The following GPHN variants were observed in gnomAD, a reference collection of about 807,000 sequenced individuals.
GPHN encodes gephyrin.
GPHN carries 17 observed loss-of-function variants against 95.5 expected under a neutral mutation model. The ratio of observed to expected loss-of-function variants is 0.18; its 90% CI spans 0.12 to 0.27. The LOEUF is 0.27. Ranked by LOEUF, GPHN falls within the 10% of genes least tolerant of loss-of-function variation. GPHN has a pLI of 1.00. For missense variants in GPHN, 660 were observed against 978.1 expected, an observed-to-expected ratio of 0.67 and a Z score of 4.34; for synonymous variants, 320 against 322.5, an observed-to-expected ratio of 0.99 and a Z score of 0.08.
intron 1 of GPHN, among the ~76,000 whole-genome samples, chr14:66,618,269 A>T (rs1207788659): frequency 1.3e-5 from 2 of 152,112 alleles, no homozygotes; most frequent in African/African-American, 4.8e-5. Context: ...TTATTCATAA[A>T]AGTTCCACAT....
At chr14:67,443,920 G>A in the GPHN span, among the ~76,000 whole-genome samples, 2 of 152,184 alleles carry the variant, frequency 1.3e-5, no homozygotes, top group South Asian at 4.1e-4. Context: ...GAAAAGTCAA[G>A]CTGGGAACTG....
chr14:66,664,242 C>G (rs952217912), intron 1 of GPHN, among the ~76,000 whole-genome samples: 1 of 152,156 alleles, frequency 6.6e-6, no homozygotes, highest in Non-Finnish European at 1.5e-5. Flanking sequence ...AAACACTGCT[C>G]AGCTCAGCAA....
the GPHN span, among the ~76,000 whole-genome samples, chr14:67,498,475 T>G: frequency 6.6e-6 from 1 of 152,240 alleles, no homozygotes; most frequent in African/African-American, 2.4e-5. Flanking sequence ...TAGAGTATGG[T>G]TGAGGCATTA....
the GPHN span, chr14:67,586,800 C>T: frequency 7.1e-7 from 1 of 1,410,590 alleles, no homozygotes; most frequent in Non-Finnish European, 9.3e-7. Context: ...GGCCCCTTCC[C>T]TGGTTGTAGA....
At chr14:66,510,366 A>G (rs1306056678) in intron 1 of GPHN, among the ~76,000 whole-genome samples, 3 of 152,206 alleles carry the variant, frequency 2.0e-5, no homozygotes, top group Non-Finnish European at 4.4e-5. Flanking sequence ...TAAAATGAAC[A>G]TTTTCTACTT....
intron 12 of GPHN, among the ~76,000 whole-genome samples, chr14:67,099,444 T>TA (rs926720770): frequency 4.1e-5 from 6 of 145,976 alleles, no homozygotes; most frequent in East Asian, 4.0e-4. Flanking sequence ...TCTTAAACTT[T>TA]AAAAAAAAAA....
chr14:66,613,990 T>C (rs1210183002), intron 1 of GPHN, among the ~76,000 whole-genome samples: 1 of 152,152 alleles, frequency 6.6e-6, no homozygotes, highest in African/African-American at 2.4e-5. Context: ...GTTTATGTCT[T>C]ATCTCTCCCG....
the GPHN span, among the ~76,000 whole-genome samples, chr14:67,212,987 C>T: frequency 2.0e-5 from 3 of 151,706 alleles, no homozygotes; most frequent in African/African-American, 4.8e-5. Flanking sequence ...AAAATGAGGA[C>T]GCTGGACCAG....
chr14:66,854,591 A>G (rs1488342155), intron 4 of GPHN, among the ~76,000 whole-genome samples: 4 of 152,180 alleles, frequency 2.6e-5, no homozygotes, highest in African/African-American at 9.7e-5. Context: ...TTTCATGGCA[A>G]TTTTTTGAAA....
At chr14:66,534,387 T>C (rs1055248139) in intron 1 of GPHN, among the ~76,000 whole-genome samples, 2 of 152,186 alleles carry the variant, frequency 1.3e-5, no homozygotes, top group African/African-American at 4.8e-5. Context: ...GTAAAGGGAA[T>C]GACTTCTTTC....
At chr14:67,087,677 A>C (rs569472127) in intron 11 of GPHN, among the ~76,000 whole-genome samples, 5 of 152,260 alleles carry the variant, frequency 3.3e-5, no homozygotes, top group African/African-American at 1.2e-4. Flanking sequence ...TAAATTTAAA[A>C]ATCTCTCTAC....
chr14:66,600,555 T>C (rs1411728570), intron 1 of GPHN, among the ~76,000 whole-genome samples: 2 of 152,118 alleles, frequency 1.3e-5, no homozygotes, highest in Admixed American at 6.5e-5. Context: ...TAAAGACAAC[T>C]TATTTAAAAT....
At chr14:67,168,815 G>A (rs1331378990) in intron 20 of GPHN, 118 bp from the exon 21 acceptor site, 4 of 749,912 alleles carry the variant, frequency 5.3e-6, no homozygotes, top group Non-Finnish European at 9.6e-6. Context: ...ATTCAGAAGA[G>A]GAAAAATAGT....
chr14:67,555,634 C>G, the GPHN span, among the ~76,000 whole-genome samples: 1 of 152,188 alleles, frequency 6.6e-6, no homozygotes, highest in African/African-American at 2.4e-5. Flanking sequence ...TTCACCTGCC[C>G]CATGAACTCA....
In GPHN at chr14:66,957,853, G is replaced by A. The variant is rs1037063066; in HGVS notation, c.829-7338G>A. 2.6e-5 allele frequency among the ~76,000 whole-genome samples: 4 copies of A among 152,280 alleles called. No homozygotes were observed. In the East Asian group the frequency reaches 5.8e-4, roughly 22 times the overall value. ...TACTGCTGAGCTCTACCTCCTCTCA[G>A]ATCAGTGGCAACATTAGATTCTCAT... On this transcript the variant is annotated intron_variant, in intron 8 of 22. Coordinates refer to ENST00000478722, the MANE Select transcript of GPHN (RefSeq NM_020806.5).
chr14:67,656,898 T>G, the GPHN span, among the ~76,000 whole-genome samples: 2 of 152,194 alleles, frequency 1.3e-5, no homozygotes, highest in African/African-American at 4.8e-5. Flanking sequence ...CTGGTCCATG[T>G]GCCTCCTGGA....
chr14:67,027,951 A>C (rs1422034925), intron 10 of GPHN, among the ~76,000 whole-genome samples: 1 of 152,180 alleles, frequency 6.6e-6, no homozygotes, highest in Non-Finnish European at 1.5e-5. Flanking sequence ...TAGTCACCCT[A>C]CTGTACTATC....
chr14:66,853,409 A>G (rs1357848587), intron 4 of GPHN, among the ~76,000 whole-genome samples: 1 of 152,192 alleles, frequency 6.6e-6, no homozygotes, highest in Non-Finnish European at 1.5e-5. Context: ...GTCTGTTGTC[A>G]TGCTGCTAAA....
At chr14:67,390,595 A>G in the GPHN span, 3 of 1,110,494 alleles carry the variant, frequency 2.7e-6, no homozygotes, top group Admixed American at 5.1e-5. Flanking sequence ...GCTGCCCGCC[A>G]TGCCAGGAGA....
Sources: allele counts gnomAD v4.1 joint callset (sites outside exome capture counted in the v4.1 genomes callset), GRCh38; gene constraint gnomAD v4.1.1; transcripts MANE v1.5; gene names NCBI Gene and HGNC (gene_info 2026-07-23, HGNC 2026-07-21).